GLIS3: variants seen among roughly 807,000 people sequenced by gnomAD.
GLIS3 encodes GLIS family zinc finger 3.
GLIS3 carries 53 observed loss-of-function variants against 78.6 expected under a neutral mutation model. That is an observed-to-expected ratio of 0.67 (90% confidence interval 0.54 to 0.85). The LOEUF (loss-of-function observed/expected upper bound fraction) is 0.85. Among genes scored for constraint, GLIS3 ranks in the 40% least tolerant of loss-of-function variants. The pLI, the probability that GLIS3 is intolerant of heterozygous loss-of-function variation, is 0.00. For synonymous variants in GLIS3, 684 were observed against 509.9 expected, an observed-to-expected ratio of 1.34 and a Z score of -4.60; for missense variants, 1,703 against 1,231.1, an observed-to-expected ratio of 1.38 and a Z score of -5.74.
At chr9:4,296,033 T>C (rs1426945092) in intron 1 of GLIS3, among the ~76,000 whole-genome samples, 1 of 152,160 alleles carries the variant, frequency 6.6e-6, no homozygotes, top group Non-Finnish European at 1.5e-5. Context: ...AAGTCCTGTA[T>C]TTCCACCTTA....
In GLIS3 at chr9:4,344,280, T is replaced by A. The variant is rs929968712; in HGVS notation, n.264+2801A>T. On this transcript the variant is annotated intron_variant and non_coding_transcript_variant, in intron 2 of 4. Transcript: ENST00000471664. ...CTACCATTTCATTGAAACAGCTCTC[T>A]TCAAGGCCACTAATGACCTCCGTAT... Among the ~76,000 whole-genome samples the A allele has an allele frequency of 4.6e-5, 7 of 152,178 alleles. No homozygotes were observed. The East Asian group carries it at 1.3e-3, about 29-fold the overall frequency.
At chr9:4,244,197 A>C (rs10739037) in intron 2 of GLIS3, among the ~76,000 whole-genome samples, 118,902 of 152,164 alleles carry the variant, frequency 0.78, 47,364 homozygotes, top group East Asian at 0.98. Flanking sequence ...ATTGCAGCTA[A>C]ATCTCTCAAT....
chr9:4,387,344 G>C, the GLIS3 span, among the ~76,000 whole-genome samples: 1 of 151,900 alleles, frequency 6.6e-6, no homozygotes, highest in Non-Finnish European at 1.5e-5. Flanking sequence ...ACTTACATGA[G>C]AGTGTGACCA....
chr9:4,445,276 T>A, the GLIS3 span, among the ~76,000 whole-genome samples: 4 of 152,194 alleles, frequency 2.6e-5, no homozygotes, highest in Admixed American at 2.6e-4. Flanking sequence ...GCATTTTTCA[T>A]CACTGTTTTT....
chr9:4,407,423 A>G, the GLIS3 span, among the ~76,000 whole-genome samples: 12,134 of 152,292 alleles, frequency 0.08, 1,017 homozygotes, highest in East Asian at 0.32. Context: ...AGGCAGGTGG[A>G]TCACGAGGTC....
chr9:3,854,360 A>G lies in GLIS3; in HGVS notation c.2473+1649T>C, dbSNP rs73382276. On this transcript the variant is annotated intron_variant, in intron 9 of 10. Transcript: ENST00000381971. ...GTAAAAATGACCATGGGCCTGCAGA[A>G]TGGTACAAGTACAAATTCTGATGAG... 9.6e-4 allele frequency among the ~76,000 whole-genome samples: 146 copies of G among 152,316 alleles called. 1 individual carries two copies. The highest frequency in any genetic ancestry group is 3.4e-3 in the African/African-American group (141 of 41,572).
intron 4 of GLIS3, among the ~76,000 whole-genome samples, chr9:4,086,373 C>T (rs1829021400): frequency 6.6e-6 from 1 of 152,198 alleles, no homozygotes; most frequent in Admixed American, 6.5e-5. Context: ...TCCATCACAT[C>T]GCTGAATATG....
intron 2 of GLIS3, among the ~76,000 whole-genome samples, chr9:4,344,798 T>C (rs1456081554): frequency 6.6e-6 from 1 of 152,212 alleles, no homozygotes; most frequent in Non-Finnish European, 1.5e-5. Flanking sequence ...GTAGCACTTC[T>C]ATCCTTTCAT....
intron 2 of GLIS3, among the ~76,000 whole-genome samples, chr9:4,148,619 ACCC>A (rs1834415005): frequency 6.6e-6 from 1 of 151,766 alleles, no homozygotes; most frequent in Non-Finnish European, 1.5e-5. Flanking sequence ...CTGGACCCCT[ACCC>A]ATCACCCCAG....
chr9:4,474,536 C>T, the GLIS3 span, among the ~76,000 whole-genome samples: 1 of 152,080 alleles, frequency 6.6e-6, no homozygotes, highest in Admixed American at 6.6e-5. Context: ...ATCCATATCA[C>T]ACAAAATAAT....
the GLIS3 span, among the ~76,000 whole-genome samples, chr9:4,382,895 A>G: frequency 4.6e-5 from 7 of 152,310 alleles, no homozygotes; most frequent in South Asian, 1.2e-3. Context: ...TGGTGTCACT[A>G]CTGCCTAATT....
intron 2 of GLIS3, among the ~76,000 whole-genome samples, chr9:4,180,088 G>T (rs1817168787): frequency 6.6e-6 from 1 of 152,066 alleles, no homozygotes; most frequent in Admixed American, 6.6e-5. Flanking sequence ...AGTTATCAAT[G>T]GTTACCTATG....
chr9:4,468,129 T>C, the GLIS3 span, among the ~76,000 whole-genome samples: 1 of 152,134 alleles, frequency 6.6e-6, no homozygotes, highest in African/African-American at 2.4e-5. Flanking sequence ...CCAAGAAATA[T>C]GGGACTATGT....
chr9:4,347,724 G>C (rs765111608), intron 1 of GLIS3, among the ~76,000 whole-genome samples: 26 of 151,988 alleles, frequency 1.7e-4, no homozygotes, highest in South Asian at 6.2e-4. Context: ...TTTTGGTTTG[G>C]TTTTTTTGAG....
At chr9:4,251,659 C>A (rs544317487) in intron 2 of GLIS3, among the ~76,000 whole-genome samples, 1 of 152,244 alleles carries the variant, frequency 6.6e-6, no homozygotes, top group African/African-American at 2.4e-5. Flanking sequence ...ATGATGCTAG[C>A]TGGTTATTTT....
chr9:4,035,678 G>A (rs1355415584), intron 4 of GLIS3, among the ~76,000 whole-genome samples: 7 of 151,960 alleles, frequency 4.6e-5, no homozygotes. Context: ...CAAAGCACGG[G>A]TCAGGGATGG....
At chr9:4,250,641 T>C (rs1824281752) in intron 2 of GLIS3, among the ~76,000 whole-genome samples, 1 of 152,212 alleles carries the variant, frequency 6.6e-6, no homozygotes, top group African/African-American at 2.4e-5. Flanking sequence ...AGTTATTTCT[T>C]GTCTGCTGCT....
intron 4 of GLIS3, among the ~76,000 whole-genome samples, chr9:4,090,297 A>G (rs755370405): frequency 1.8e-4 from 27 of 152,132 alleles, no homozygotes; most frequent in Admixed American, 6.5e-4. Flanking sequence ...TCCTGGCTCA[A>G]TATATATTTG....
At chr9:4,093,992 G>A (rs1829735579) in intron 4 of GLIS3, among the ~76,000 whole-genome samples, 2 of 152,092 alleles carry the variant, frequency 1.3e-5, no homozygotes, top group Admixed American at 6.5e-5. Context: ...GTGATTCATT[G>A]CTTTTTTTCA....
Sources: allele counts gnomAD v4.1 joint callset (sites outside exome capture counted in the v4.1 genomes callset), GRCh38; gene constraint gnomAD v4.1.1; transcripts MANE v1.5; gene names NCBI Gene and HGNC (gene_info 2026-07-23, HGNC 2026-07-21).